GSK3B: variants seen among roughly 807,000 people sequenced by gnomAD.
The protein encoded by GSK3B is glycogen synthase kinase 3 beta, also known as glycogen synthase kinase-3 beta.
A neutral mutation model predicts 56.4 loss-of-function variants in GSK3B; 15 were observed. That is an observed-to-expected ratio of 0.27 (90% CI 0.18 to 0.41). GSK3B has a LOEUF of 0.41. Ranked by LOEUF, GSK3B falls within the 10% of genes least tolerant of loss-of-function variation. The pLI is 1.00. For missense variants in GSK3B, 300 were observed against 513.4 expected (o/e 0.58, Z 4.02); for synonymous variants, 181 against 188.9 (o/e 0.96, Z 0.34).
rs570662743 is a variant in GSK3B at position 119,876,278 on chromosome 3, C to T, written c.909+135G>A. 78 of 607,408 alleles carry T rather than the reference C, an allele frequency of 1.3e-4. No homozygotes were observed. The South Asian group carries it at 1.6e-3, about 12-fold the overall frequency. 37.6% of individuals were successfully genotyped at this position (607,408 alleles called of 1,614,324 possible). A position where few individuals can be genotyped will look rare whatever the true frequency, so the allele number is the denominator to read the frequency against. On this transcript the variant is annotated intron_variant, in intron 8 of 10. Coordinates refer to ENST00000264235, the MANE Select transcript of GSK3B (RefSeq NM_001146156.2). ...ATAAAGTCAATGAAACACTCAAGTA[C>T]ATCTATACAACTATCTTTACATGCA...
intron 7 of GSK3B, among the ~76,000 whole-genome samples, chr3:119,894,534 A>C (rs1164529863): frequency 6.6e-6 from 1 of 152,134 alleles, no homozygotes; most frequent in African/African-American, 2.4e-5. Context: ...TTGTATGCTT[A>C]CTGGCCATTT....
intron 2 of GSK3B, among the ~76,000 whole-genome samples, chr3:119,958,709 G>A (rs1559853200): frequency 6.6e-6 from 1 of 151,902 alleles, no homozygotes; most frequent in Non-Finnish European, 1.5e-5. Context: ...AAAAAGGATG[G>A]AGAATTCTAA....
At chr3:120,034,869 A>G (rs1000218628) in intron 1 of GSK3B, among the ~76,000 whole-genome samples, 2 of 152,148 alleles carry the variant, frequency 1.3e-5, no homozygotes, top group African/African-American at 4.8e-5. Flanking sequence ...GAGGCCAAGT[A>G]GGGCAGATCA....
intron 2 of GSK3B, among the ~76,000 whole-genome samples, chr3:119,994,027 A>T (rs941732240): frequency 6.6e-6 from 1 of 151,828 alleles, no homozygotes; most frequent in South Asian, 2.1e-4. Context: ...ATGCCCAGCT[A>T]TTTTTTTCTA....
intron 2 of GSK3B, among the ~76,000 whole-genome samples, chr3:119,998,848 C>T (rs75295840): frequency 0.027 from 4,178 of 152,150 alleles, 184 homozygotes; most frequent in African/African-American, 0.092. Flanking sequence ...ACCTACAGAA[C>T]TGAAAAACAT....
intron 1 of GSK3B, among the ~76,000 whole-genome samples, chr3:120,005,051 A>G (rs1174649632): frequency 6.6e-6 from 1 of 152,100 alleles, no homozygotes; most frequent in Non-Finnish European, 1.5e-5. Context: ...CGAATGGCTA[A>G]CTAGAATAAA....
intron 1 of GSK3B, among the ~76,000 whole-genome samples, chr3:120,040,630 A>G (rs1447619242): frequency 6.6e-6 from 1 of 152,166 alleles, no homozygotes; most frequent in Non-Finnish European, 1.5e-5. Flanking sequence ...GCCAAGCAAG[A>G]CAAGAAGTAA....
At chr3:119,919,294 G>A (rs1485243012) in intron 4 of GSK3B, among the ~76,000 whole-genome samples, 1 of 152,112 alleles carries the variant, frequency 6.6e-6, no homozygotes, top group Non-Finnish European at 1.5e-5. Flanking sequence ...ATGAAGGCAA[G>A]AGTTACTTGC....
chr3:119,869,204 A>C (rs6808975), intron 8 of GSK3B, among the ~76,000 whole-genome samples: 59,700 of 128,306 alleles, frequency 0.47, 16,724 homozygotes, highest in Non-Finnish European at 0.61. Flanking sequence ...AGCCTGGGCA[A>C]CAGATCAAGA....
chr3:120,062,725 C>T (rs2058248332), intron 1 of GSK3B, among the ~76,000 whole-genome samples: 1 of 152,174 alleles, frequency 6.6e-6, no homozygotes, highest in South Asian at 2.1e-4. Flanking sequence ...GGCTTTTCCC[C>T]TACTTTTATG....
At chr3:120,070,549 A>G (rs1364095692) in intron 1 of GSK3B, among the ~76,000 whole-genome samples, 3 of 140,806 alleles carry the variant, frequency 2.1e-5, no homozygotes, top group East Asian at 2.0e-4. Context: ...ACAATGTCAG[A>G]AAAAAAAAAA....
intron 2 of GSK3B, among the ~76,000 whole-genome samples, chr3:119,954,019 ACACT>A (rs1362124687): frequency 2.0e-5 from 3 of 152,140 alleles, no homozygotes; most frequent in African/African-American, 7.2e-5. Context: ...ACACAGACAC[ACACT>A]CACAAACCCT....
At chr3:120,068,242 T>C (rs1242289503) in intron 1 of GSK3B, among the ~76,000 whole-genome samples, 1 of 151,446 alleles carries the variant, frequency 6.6e-6, no homozygotes, top group Non-Finnish European at 1.5e-5. Flanking sequence ...AATACAAAAA[T>C]TAGCCAGACA....
At chr3:119,940,112 G>A (rs961747753) in intron 3 of GSK3B, among the ~76,000 whole-genome samples, 7 of 78,042 alleles carry the variant, frequency 9.0e-5, no homozygotes, top group Admixed American at 2.2e-4. Flanking sequence ...GTGTGTGTTT[G>A]TGTGTGTGTG....
intron 1 of GSK3B, among the ~76,000 whole-genome samples, chr3:120,021,230 G>A (rs1005166622): frequency 2.0e-5 from 3 of 152,090 alleles, no homozygotes; most frequent in Admixed American, 6.5e-5. Context: ...GATTCAGCGG[G>A]TGCGGTGGCT....
At chr3:120,044,260 C>T (rs2058085779) in intron 1 of GSK3B, among the ~76,000 whole-genome samples, 1 of 152,200 alleles carries the variant, frequency 6.6e-6, no homozygotes, top group Admixed American at 6.5e-5. Context: ...TTGTGTCTCT[C>T]ACGGAATGGG....
intron 1 of GSK3B, among the ~76,000 whole-genome samples, chr3:120,034,599 C>T (rs1038716311): frequency 3.3e-5 from 5 of 152,108 alleles, no homozygotes; most frequent in African/African-American, 9.7e-5. Flanking sequence ...AGCGCCACAC[C>T]GTCTGGATTG....
chr3:119,877,144 C>A (rs568201970), intron 7 of GSK3B, among the ~76,000 whole-genome samples: 2 of 152,012 alleles, frequency 1.3e-5, no homozygotes, highest in African/African-American at 4.8e-5. Flanking sequence ...AAAAGATTAC[C>A]ATACTCAAAA....
At chr3:119,848,420 CT>C (rs148545055) in intron 9 of GSK3B, among the ~76,000 whole-genome samples, 13,874 of 149,060 alleles carry the variant, frequency 0.093, 778 homozygotes, top group Non-Finnish European at 0.13. Context: ...TCAAGAAAAG[CT>C]TTTTTTTTTA....
Sources: allele counts gnomAD v4.1 joint callset (sites outside exome capture counted in the v4.1 genomes callset), GRCh38; gene constraint gnomAD v4.1.1; transcripts MANE v1.5; gene names NCBI Gene and HGNC (gene_info 2026-07-23, HGNC 2026-07-21).